The following BOC variants were observed in gnomAD, a reference collection of about 807,000 sequenced individuals.
The protein encoded by BOC is BOC cell adhesion associated, oncogene regulated, also known as brother of CDO.
In BOC, 76 loss-of-function variants were observed where a neutral mutation model predicts 112.0. The ratio of observed to expected loss-of-function variants is 0.68; its 90% CI spans 0.56 to 0.82. The LOEUF (loss-of-function observed/expected upper bound fraction) is 0.82. BOC is among the 40% of genes least tolerant of loss of function. The probability of loss-of-function intolerance (pLI) is 0.00; values close to 1 mark genes in which losing one functional copy is unlikely to be tolerated. For synonymous variants in BOC, 580 were observed against 599.8 expected (o/e 0.97, Z 0.48); for missense variants, 1,309 against 1,511.7 (o/e 0.87, Z 2.22).
intron 5 of BOC, 140 bp from the exon 6 acceptor site, chr3:113,270,661 T>A: frequency 1.1e-6 from 1 of 927,546 alleles, no homozygotes; most frequent in Non-Finnish European, 1.6e-6. Flanking sequence ...GGCTTTGTCT[T>A]GTGGGGACTC....
In BOC at chr3:113,274,538, G is replaced by A; in HGVS notation, c.1398G>A (p.Lys466=). Residue 466 remains lysine, a synonymous_variant, in exon 9 of 20, where the codon AAG becomes AAA. Transcript: ENST00000682979. This position sits in a 1 kb window ranked among gnomAD's most constrained non-coding sequence, Gnocchi z 4.8. ...GPASPQCPGE[K]GQGAPAEAPI... is the part of the protein sequence containing the mutation. ...CTTCCCCGCAGTGTCCAGGAGAGAA[G>A]GGGCAGGGGGCTCCCGCCGAGGCTC... is the stretch of plus-strand genomic sequence containing the variant. 1 of 1,613,434 alleles carries A rather than the reference G, an allele frequency of 6.2e-7. No individual in the cohort carries two copies. The highest frequency in any genetic ancestry group is 8.5e-7 in the Non-Finnish European group (1 of 1,179,902).
rs761265699 is a variant in BOC at position 113,249,916 on chromosome 3, C to A, written c.97+17C>A. On this transcript the variant is annotated intron_variant, in intron 3 of 19. Coordinates refer to ENST00000682979, the MANE Select transcript of BOC (RefSeq NM_001378074.1). The stretch of plus-strand genomic sequence containing the variant: ...CTGACTTGAGTGAGTGCTTTCCTTC[C>A]CTTTCCCTGCCCTTACAGTCAAATG... 22 of 1,602,998 alleles carry A rather than the reference C, an allele frequency of 1.4e-5. No individual in the cohort carries two copies. The highest frequency in any genetic ancestry group is 1.6e-4 in the Middle Eastern group (1 of 6,068).
intron 2 of BOC, among the ~76,000 whole-genome samples, chr3:113,221,660 C>T (rs1317901092): frequency 6.6e-6 from 1 of 152,210 alleles, no homozygotes; most frequent in Non-Finnish European, 1.5e-5. Flanking sequence ...ACATTTCTGG[C>T]TTGGATTATC....
chr3:113,274,053 G>A lies in BOC; in HGVS notation c.1235-322G>A, dbSNP rs767848876. ...TCCAGCCTAGACCGAGAAGGAAGGCGCAGGGTTCCTGGGCCTCGGGAGAAA... is the reference window on the plus strand; with the variant it reads ...TCCAGCCTAGACCGAGAAGGAAGGCACAGGGTTCCTGGGCCTCGGGAGAAA... On this transcript the variant is annotated intron_variant, in intron 8 of 19. Coordinates refer to ENST00000682979, the MANE Select transcript of BOC (RefSeq NM_001378074.1). The surrounding 1 kb of genome is among the most constrained non-coding windows in gnomAD (Gnocchi z 4.8). Among the ~76,000 whole-genome samples, 1 of 152,220 alleles carries A rather than the reference G, an allele frequency of 6.6e-6. No homozygotes were observed. Among genetic ancestry groups the A allele is most frequent in the Non-Finnish European group, 1.5e-5 (1 of 68,038 alleles).
intron 5 of BOC, chr3:113,270,594 T>G: frequency 1.8e-6 from 1 of 549,686 alleles, no homozygotes; most frequent in African/African-American, 1.9e-5. Flanking sequence ...AGTTACCTTT[T>G]CTCTCTGGCA....
chr3:113,240,212 TAAGAACAGGGAATGTGG>T (rs1944107352), intron 2 of BOC, among the ~76,000 whole-genome samples: 1 of 152,002 alleles, frequency 6.6e-6, no homozygotes, highest in South Asian at 2.1e-4. Context: ...CAGCAGTGGG[TAAGAACAGGGAATGTGG>T]AATGTATCAA....
chr3:113,268,186 C>T, intron 4 of BOC, 113 bp from the exon 5 acceptor site: 1 of 1,470,760 alleles, frequency 6.8e-7, no homozygotes, highest in Non-Finnish European at 9.1e-7. Context: ...CCCCTGATAT[C>T]CCCCTAGGTG....
chr3:113,248,677 G>T (rs1945238460), intron 2 of BOC, among the ~76,000 whole-genome samples: 1 of 152,092 alleles, frequency 6.6e-6, no homozygotes, highest in Non-Finnish European at 1.5e-5. Context: ...TGACAGAAGT[G>T]TGTGTGTGTG....
chr3:113,274,631 T>C lies in BOC; in HGVS notation c.1491T>C (p.His497=). Residue 497 remains histidine (H), a synonymous_variant, in exon 9 of 20, where the codon CAT becomes CAC. Coordinates refer to ENST00000682979, the MANE Select transcript of BOC (RefSeq NM_001378074.1). The surrounding 1 kb of genome is among the most constrained non-coding windows in gnomAD (Gnocchi z 4.8). ...ATGAACTGGTGTGGCGGCCTCGGCA[T>C]GAGGGCAGTGGCCGGGCGCCAATCC... is the stretch of plus-strand genomic sequence containing the variant. The part of the protein sequence containing the change: ...DSYELVWRPR[H]EGSGRAPILY... 3.1e-6 allele frequency: 5 copies of C among 1,609,842 alleles called. No individual in the cohort carries two copies. The highest frequency in any genetic ancestry group is 4.2e-6 in the Non-Finnish European group (5 of 1,177,132).
chr3:113,251,279 G>C (rs1945609436), intron 4 of BOC: 2 of 284,722 alleles, frequency 7.0e-6, no homozygotes, highest in South Asian at 6.7e-5. Context: ...GACATGGGCA[G>C]GGCCACGTGT....
intron 2 of BOC, among the ~76,000 whole-genome samples, chr3:113,241,789 G>T (rs1944334844): frequency 6.6e-6 from 1 of 152,180 alleles, no homozygotes; most frequent in Admixed American, 6.5e-5. Flanking sequence ...CCGCATTGAA[G>T]GCCAGTGGCT....
intron 2 of BOC, among the ~76,000 whole-genome samples, chr3:113,241,713 A>C (rs1944320682): frequency 6.6e-6 from 1 of 152,230 alleles, no homozygotes; most frequent in African/African-American, 2.4e-5. Flanking sequence ...TCTGCCTGTT[A>C]GTGTTTCCCG....
rs746561730 is a variant in BOC, at chr3:113,272,417, C to T, written c.675C>T (p.Thr225=). The change falls in exon 7 of 20, where the codon ACC becomes ACT. Residue 225 remains threonine, a synonymous_variant. Transcript: ENST00000682979. The part of the protein sequence containing the change: ...SSDRLRVRRS[T]AEAARIIYPP... ...CCCTCCTTGCCCCTCCAGGCTCCAC[C>T]GCTGAGGCTGCCCGCATCATCTACC... 9.3e-6 allele frequency: 15 copies of T among 1,613,186 alleles called. No individual in the cohort carries two copies. The Middle Eastern group carries it at 8.2e-4, about 88-fold the overall frequency.
At chr3:113,218,891 G>T (rs910554964) in intron 2 of BOC, among the ~76,000 whole-genome samples, 4 of 152,224 alleles carry the variant, frequency 2.6e-5, no homozygotes, top group African/African-American at 7.2e-5. Flanking sequence ...ATGGGAGAAG[G>T]GGGGTGGGGG....
chr3:113,212,902 C>T (rs1055348346), intron 1 of BOC, among the ~76,000 whole-genome samples: 4 of 152,144 alleles, frequency 2.6e-5, no homozygotes, highest in Admixed American at 2.6e-4. Context: ...GTTGAAGGGC[C>T]TGCTTGACTT....
Position 113,279,514 on chromosome 3 carries a change from G to A in BOC, c.2023+59G>A, listed in dbSNP as rs182435767. On this transcript the variant is annotated intron_variant, in intron 12 of 19. Transcript: ENST00000682979. The stretch of plus-strand genomic sequence containing the variant: ...ATCCCCCAGCTGCCCCTTTCCGCCT[G>A]GAGGAGGATGACGAGCCTGGGATCC... 3.3e-6 allele frequency: 5 copies of A among 1,526,956 alleles called. No homozygotes were observed. The Admixed American group carries it at 9.2e-5, about 28-fold the overall frequency. 94.6% of individuals were successfully genotyped at this position (1,526,956 alleles called of 1,614,324 possible).
chr3:113,268,577 C>T (rs1947773830), intron 5 of BOC, 132 bp downstream of exon 5: 1 of 807,010 alleles, frequency 1.2e-6, no homozygotes, highest in Non-Finnish European at 1.9e-6. Flanking sequence ...GCCAGCAGCC[C>T]TGTCCTCATG....
At chr3:113,271,243 G>A in intron 6 of BOC, 1 of 566,284 alleles carries the variant, frequency 1.8e-6, no homozygotes, top group Non-Finnish European at 3.4e-6. Context: ...GTGTGTGCTG[G>A]GACAGGACGG....
At chr3:113,268,208 A>T (rs1316304264) in intron 4 of BOC, 91 bp from the exon 5 acceptor site, 9 of 1,550,888 alleles carry the variant, frequency 5.8e-6, no homozygotes, top group Non-Finnish European at 7.8e-6. Context: ...GAGCTTTGTC[A>T]TGACTGACAA....
Sources: gnomAD v4.1 joint callset for allele counts (sites outside exome capture counted in the v4.1 genomes callset) on GRCh38, gnomAD v4.1.1 for gene constraint, Gnocchi (gnomAD v3.1) non-coding constraint, MANE v1.5 for transcripts, NCBI Gene and HGNC (gene_info 2026-07-23, HGNC 2026-07-21) for gene names.